RNF152: variants seen among roughly 807,000 people sequenced by gnomAD.
The protein encoded by RNF152 is E3 ubiquitin-protein ligase RNF152.
RNF152 carries 11 observed loss-of-function variants against 12.7 expected under a neutral mutation model. The observed-to-expected ratio is 0.86, with a 90% CI of 0.54 to 1.43. The LOEUF (loss-of-function observed/expected upper bound fraction) is 1.43, where lower values mean the gene tolerates loss of function less well. Among genes scored for constraint, RNF152 ranks in the 40% most tolerant of loss-of-function variants. The pLI, the probability that RNF152 is intolerant of heterozygous loss-of-function variation, is 0.00. For synonymous variants in RNF152, 113 were observed against 120.3 expected, an observed-to-expected ratio of 0.94 and a Z score of 0.40; for missense variants, 255 against 274.8, an observed-to-expected ratio of 0.93 and a Z score of 0.51.
In RNF152 at chr18:61,843,655, T is replaced by C. The variant is rs139208842; in HGVS notation, c.-135-27057A>G. ...CAGGAAATTCTGACACGTTACGACA[T>C]GGGTGAATTTTGAGGACATTATGTT... On this transcript the variant is annotated intron_variant, in intron 1 of 1. Transcript: ENST00000312828. Among the ~76,000 whole-genome samples, 243 of 152,304 alleles carry C rather than the reference T, an allele frequency of 1.6e-3. 1 individual carries two copies. The highest frequency in any genetic ancestry group is 5.7e-3 in the African/African-American group (236 of 41,558).
chr18:61,816,132 G>A lies in RNF152; in HGVS notation c.332C>T (p.Ala111Val), dbSNP rs565129525. 31 of 1,614,204 alleles carry A rather than the reference G, an allele frequency of 1.9e-5. No individual in the cohort carries two copies. The highest frequency in any genetic ancestry group is 1.6e-4 in the Middle Eastern group (1 of 6,062). Reference protein sequence around the residue: ...MLPLPISKERALLPGDMGCRL... With the variant: ...MLPLPISKERVLLPGDMGCRL... ...GCAGCCCATGTCTCCGGGCAGCAGC[G>A]CACGCTCCTTGGAGATGGGCAGGGG... The change falls in exon 2 of 2, where the codon GCG (alanine) becomes GTG (valine). Residue 111 changes from alanine to valine, a missense_variant. Ala to Val is a moderately conservative substitution (Grantham distance 64, BLOSUM62 0). Transcript: ENST00000312828.
chr18:61,826,855 T>C (rs999234842), intron 1 of RNF152, among the ~76,000 whole-genome samples: 3 of 152,230 alleles, frequency 2.0e-5, no homozygotes, highest in Non-Finnish European at 1.5e-5. Flanking sequence ...TTCAAAATTA[T>C]TGTGCATTCT....
chr18:61,839,790 G>C (rs1408668131), intron 1 of RNF152, among the ~76,000 whole-genome samples: 2 of 152,204 alleles, frequency 1.3e-5, no homozygotes, highest in African/African-American at 4.8e-5. Context: ...AGCTACTCGG[G>C]AGGCTGAGGC....
chr18:61,881,095 G>A (rs926315102), intron 1 of RNF152, among the ~76,000 whole-genome samples: 5 of 151,916 alleles, frequency 3.3e-5, no homozygotes, highest in Non-Finnish European at 5.9e-5. Context: ...TGTATTTTTA[G>A]TAGAGATAGG....
chr18:61,860,483 T>C (rs1401977774), intron 1 of RNF152, among the ~76,000 whole-genome samples: 1 of 152,254 alleles, frequency 6.6e-6, no homozygotes, highest in Admixed American at 6.5e-5. Context: ...CAGAGCATTG[T>C]TGCACTGCAA....
At chr18:61,848,504 G>A (rs149579288) in intron 1 of RNF152, among the ~76,000 whole-genome samples, 12 of 152,300 alleles carry the variant, frequency 7.9e-5, no homozygotes, top group East Asian at 7.7e-4. Context: ...AGCAACATCC[G>A]TAAACTTACT....
intron 1 of RNF152, among the ~76,000 whole-genome samples, chr18:61,862,862 A>T (rs1234469885): frequency 6.6e-6 from 1 of 152,138 alleles, no homozygotes; most frequent in Non-Finnish European, 1.5e-5. Context: ...GTGTGTGGGT[A>T]GGGGCAGTCT....
At chr18:61,886,800 C>T (rs538520688) in intron 1 of RNF152, among the ~76,000 whole-genome samples, 55 of 152,296 alleles carry the variant, frequency 3.6e-4, no homozygotes, top group African/African-American at 1.3e-3. Flanking sequence ...ACACTTCAAT[C>T]GTAGGTGATA....
chr18:61,890,764 T>A (rs111559884), intron 1 of RNF152, among the ~76,000 whole-genome samples: 6,764 of 152,264 alleles, frequency 0.044, 217 homozygotes, highest in Middle Eastern at 0.061. Flanking sequence ...ACAGCATAGG[T>A]GGGTTCAAAC....
intron 1 of RNF152, among the ~76,000 whole-genome samples, chr18:61,860,283 A>C (rs776513411): frequency 6.6e-6 from 1 of 152,222 alleles, no homozygotes; most frequent in Non-Finnish European, 1.5e-5. Context: ...TAGAAAACTC[A>C]TCTAAGGGGG....
intron 1 of RNF152, among the ~76,000 whole-genome samples, chr18:61,827,669 C>A (rs1398527172): frequency 1.3e-5 from 2 of 152,172 alleles, no homozygotes; most frequent in African/African-American, 4.8e-5. Flanking sequence ...GTGTTTATTG[C>A]TGCAGTTTCT....
intron 1 of RNF152, among the ~76,000 whole-genome samples, chr18:61,829,093 A>G (rs1354330921): frequency 1.3e-5 from 2 of 152,078 alleles, no homozygotes; most frequent in Non-Finnish European, 2.9e-5. Context: ...AGAGCCTGGG[A>G]CCTCCAGTAA....
chr18:61,826,057 A>G, intron 1 of RNF152, among the ~76,000 whole-genome samples: 1 of 152,220 alleles, frequency 6.6e-6, no homozygotes, highest in East Asian at 1.9e-4. Context: ...CAACTCTGCC[A>G]TCAAAATGTG....
At chr18:61,833,342 C>G (rs1198074369) in intron 1 of RNF152, among the ~76,000 whole-genome samples, 1 of 152,146 alleles carries the variant, frequency 6.6e-6, no homozygotes, top group Admixed American at 6.5e-5. Flanking sequence ...TAAAATAAAA[C>G]AAGGTCAAAT....
intron 1 of RNF152, among the ~76,000 whole-genome samples, chr18:61,879,546 G>A (rs1297306339): frequency 4.6e-5 from 7 of 152,120 alleles, no homozygotes; most frequent in African/African-American, 1.7e-4. Context: ...GAAGGATAGG[G>A]AGAAAGCGTG....
intron 1 of RNF152, among the ~76,000 whole-genome samples, chr18:61,828,621 T>C (rs183780932): frequency 3.3e-4 from 45 of 136,422 alleles, no homozygotes; most frequent in African/African-American, 1.1e-3. Flanking sequence ...TCCATAGGTA[T>C]TGGTTTAGAA....
intron 1 of RNF152, among the ~76,000 whole-genome samples, chr18:61,844,134 GAA>G (rs1237859227): frequency 1.9e-4 from 25 of 131,116 alleles, no homozygotes; most frequent in African/African-American, 6.8e-4. Context: ...AAGAAAGAAA[GAA>G]AGAAATTAAG....
intron 1 of RNF152, among the ~76,000 whole-genome samples, chr18:61,851,122 T>C (rs1910955148): frequency 6.6e-6 from 1 of 151,162 alleles, no homozygotes; most frequent in African/African-American, 2.4e-5. Flanking sequence ...ATGATCTGAC[T>C]GTGGTTGGTG....
chr18:61,883,470 T>C (rs1328819037), intron 1 of RNF152, among the ~76,000 whole-genome samples: 1 of 152,226 alleles, frequency 6.6e-6, no homozygotes, highest in Non-Finnish European at 1.5e-5. Flanking sequence ...TCCCATTTTA[T>C]TCTGCCCCGC....
Sources: gnomAD v4.1 joint callset for allele counts (sites outside exome capture counted in the v4.1 genomes callset) on GRCh38, gnomAD v4.1.1 for gene constraint, MANE v1.5 for transcripts, NCBI Gene and HGNC (gene_info 2026-07-23, HGNC 2026-07-21) for gene names.